ANKS1A: variants seen among roughly 807,000 people sequenced by gnomAD.
The protein encoded by ANKS1A is ankyrin repeat and sterile alpha motif domain containing 1A.
A neutral mutation model predicts 120.3 loss-of-function variants in ANKS1A; 55 were observed. The ratio of observed to expected loss-of-function variants is 0.46; its 90% CI spans 0.37 to 0.57. The LOEUF (loss-of-function observed/expected upper bound fraction) is 0.57, where lower values mean the gene tolerates loss of function less well. Among genes scored for constraint, ANKS1A ranks in the 20% least tolerant of loss-of-function variants. ANKS1A has a pLI of 0.00. For synonymous variants in ANKS1A, 590 were observed against 604.7 expected, an observed-to-expected ratio of 0.98 and a Z score of 0.36; for missense variants, 1,123 against 1,480.3, an observed-to-expected ratio of 0.76 and a Z score of 3.96.
Position 35,084,075 on chromosome 6 carries a change from G to C in ANKS1A, c.2995-46G>C. On this transcript the variant is annotated intron_variant, in intron 20 of 23. Transcript: ENST00000360359. The surrounding 1 kb of genome is among the most constrained non-coding windows in gnomAD (Gnocchi z 4.8). Reference sequence around the variant, plus strand: ...ACAGGCTGGGGCAGGGGGTGCCAGAGGCATGCCTGAGCCTGAGAATTCCAG... The same window carrying C: ...ACAGGCTGGGGCAGGGGGTGCCAGACGCATGCCTGAGCCTGAGAATTCCAG... The C allele has an allele frequency of 6.2e-7, 1 of 1,609,654 alleles. No homozygotes were observed. The highest frequency in any genetic ancestry group is 8.5e-7 in the Non-Finnish European group (1 of 1,177,340).
chr6:35,065,714 A>G (rs843937), intron 13 of ANKS1A, among the ~76,000 whole-genome samples: 145,459 of 152,318 alleles, frequency 0.95, 69,612 homozygotes, highest in Non-Finnish European at 0.99. Context: ...ACTGGGGCCC[A>G]TCAGGCTGGG....
intron 1 of ANKS1A, among the ~76,000 whole-genome samples, chr6:34,950,430 T>C (rs1770026459): frequency 6.6e-6 from 1 of 152,012 alleles, no homozygotes; most frequent in South Asian, 2.1e-4. Context: ...GGTTTCACCA[T>C]GTTGGCCGGG....
rs115702844 is a variant in ANKS1A at position 35,013,865 on chromosome 6, G to T, written c.1424-3608G>T. ...TCCTTGTGACAGACCTGTGAGGAAC[G>T]GAGAAGTAGTTGGTCTCATCTGTGA... On this transcript the variant is annotated intron_variant, in intron 10 of 23. Coordinates refer to ENST00000360359, the MANE Select transcript of ANKS1A (RefSeq NM_015245.3). 6.6e-3 allele frequency among the ~76,000 whole-genome samples: 1,009 copies of T among 152,302 alleles called. 10 individuals carry two copies. Among genetic ancestry groups the T allele is most frequent in the African/African-American group, 0.023 (955 of 41,566 alleles).
At chr6:34,950,702 G>C (rs1770052666) in intron 1 of ANKS1A, among the ~76,000 whole-genome samples, 1 of 151,908 alleles carries the variant, frequency 6.6e-6, no homozygotes, top group South Asian at 2.1e-4. Context: ...AAACTGACCT[G>C]ACAGGATTCT....
intron 1 of ANKS1A, among the ~76,000 whole-genome samples, chr6:34,963,621 G>T (rs528002352): frequency 6.6e-6 from 1 of 152,136 alleles, no homozygotes; most frequent in Non-Finnish European, 1.5e-5. Flanking sequence ...ATTTTATTCC[G>T]TTTGGATATA....
intron 3 of ANKS1A, among the ~76,000 whole-genome samples, chr6:34,976,687 A>G (rs545178471): frequency 4.5e-4 from 69 of 152,142 alleles, no homozygotes; most frequent in African/African-American, 1.6e-3. Flanking sequence ...TTAAAGTTTT[A>G]AGAATAATGC....
chr6:34,982,833 A>G lies in ANKS1A; in HGVS notation c.808+6A>G. On this transcript the variant is annotated splice_donor_region_variant and intron_variant, in intron 5 of 23. Coordinates refer to ENST00000360359, the MANE Select transcript of ANKS1A (RefSeq NM_015245.3). This position sits in a 1 kb window ranked among gnomAD's most constrained non-coding sequence, Gnocchi z 4.9. ...GCAAATCCTGCTGGCTGCAGGTGAG[A>G]GGTCGGCAGCGCTCTTGTCTACACA... 8.7e-6 allele frequency: 14 copies of G among 1,614,152 alleles called. No homozygotes were observed. The highest frequency in any genetic ancestry group is 2.7e-5 in the African/African-American group (2 of 75,054).
At chr6:35,052,036 C>A (rs1042371528) in intron 11 of ANKS1A, among the ~76,000 whole-genome samples, 1 of 152,078 alleles carries the variant, frequency 6.6e-6, no homozygotes, top group Non-Finnish European at 1.5e-5. Flanking sequence ...GGAAGCTTGC[C>A]AGGTATGGTG....
At chr6:35,071,113 G>A in intron 13 of ANKS1A, 1 of 312,980 alleles carries the variant, frequency 3.2e-6, no homozygotes, top group South Asian at 3.6e-5. Flanking sequence ...TTGCCAATCA[G>A]AAAATCTTTG....
intron 1 of ANKS1A, among the ~76,000 whole-genome samples, chr6:34,917,341 C>T (rs1258550974): frequency 6.6e-6 from 1 of 152,186 alleles, no homozygotes; most frequent in East Asian, 1.9e-4. Flanking sequence ...TGTGGAGAGG[C>T]AGCGTTGACT....
intron 1 of ANKS1A, among the ~76,000 whole-genome samples, chr6:34,918,882 C>T (rs540748203): frequency 2.6e-5 from 4 of 152,196 alleles, no homozygotes; most frequent in East Asian, 3.9e-4. Context: ...GACAGGGTCT[C>T]GCTCTGTCAC....
At chr6:34,935,313 C>G (rs548225405) in intron 1 of ANKS1A, among the ~76,000 whole-genome samples, 1 of 152,276 alleles carries the variant, frequency 6.6e-6, no homozygotes, top group South Asian at 2.1e-4. Context: ...TCTCAAACTC[C>G]TGGGCTCAAG....
In ANKS1A at chr6:35,084,310, GCGTCCAGCC is replaced by G. The variant is rs1054654847; in HGVS notation, c.3132+54_3132+62del. ...GGCAGGCTTGGGTTGCAGCCCTGAG[GCGTCCAGCC>G]CCATTGCAGGGCACAGATGCGGCGC... is the stretch of plus-strand genomic sequence containing the variant. On this transcript the variant is annotated intron_variant, in intron 21 of 23. Coordinates refer to ENST00000360359, the MANE Select transcript of ANKS1A (RefSeq NM_015245.3). The surrounding 1 kb of genome is among the most constrained non-coding windows in gnomAD (Gnocchi z 4.8). 1 of 1,603,406 alleles carries G rather than the reference GCGTCCAGCC, an allele frequency of 6.2e-7. No individual in the cohort carries two copies. Among genetic ancestry groups the G allele is most frequent in the Non-Finnish European group, 8.5e-7 (1 of 1,175,974 alleles).
intron 13 of ANKS1A, among the ~76,000 whole-genome samples, chr6:35,074,436 C>CAA (rs879350993): frequency 7.5e-5 from 10 of 133,520 alleles, no homozygotes; most frequent in South Asian, 4.8e-4. Flanking sequence ...CCCATCTCTA[C>CAA]AAAAAAAAAA....
At chr6:34,914,712 T>C (rs1768074381) in intron 1 of ANKS1A, among the ~76,000 whole-genome samples, 1 of 152,218 alleles carries the variant, frequency 6.6e-6, no homozygotes, top group Admixed American at 6.5e-5. Flanking sequence ...TCCTGTGTTA[T>C]TGATTCTTCA....
chr6:34,981,360 T>A (rs1439349191), intron 3 of ANKS1A, among the ~76,000 whole-genome samples: 4 of 152,206 alleles, frequency 2.6e-5, no homozygotes, highest in Non-Finnish European at 2.9e-5. Context: ...TTATTGGTAT[T>A]CATCTTGCCA....
At chr6:35,051,535 T>G (rs1301310431) in intron 11 of ANKS1A, among the ~76,000 whole-genome samples, 1 of 152,232 alleles carries the variant, frequency 6.6e-6, no homozygotes, top group Non-Finnish European at 1.5e-5. Flanking sequence ...AGAACAGCTT[T>G]TCCAGTGCAG....
Position 35,086,340 on chromosome 6 carries a change from C to T in ANKS1A, c.3303+404C>T, listed in dbSNP as rs200912957. The T allele has an allele frequency of 1.2e-5, 16 of 1,299,562 alleles. No homozygotes were observed. The highest frequency in any genetic ancestry group is 4.5e-5 in the African/African-American group (3 of 66,250). The allele number at this position is 1,299,562 out of a possible 1,614,324, so 80.5% of individuals were successfully genotyped here. Reference sequence around the variant, plus strand: ...ACCACCCACCGTCCTTCCTACCTACCGCTGCCATCTGTTAGTCCTGGAGTC... The same window carrying T: ...ACCACCCACCGTCCTTCCTACCTACTGCTGCCATCTGTTAGTCCTGGAGTC... On this transcript the variant is annotated intron_variant, in intron 22 of 23. Coordinates refer to ENST00000360359, the MANE Select transcript of ANKS1A (RefSeq NM_015245.3). This position sits in a 1 kb window ranked among gnomAD's most constrained non-coding sequence, Gnocchi z 5.1.
intron 1 of ANKS1A, among the ~76,000 whole-genome samples, chr6:34,912,953 C>T (rs1767975924): frequency 6.6e-6 from 1 of 152,076 alleles, no homozygotes. Flanking sequence ...CCATTTGGTT[C>T]CTTAAGGTTG....
Sources: gnomAD v4.1 joint callset for allele counts (sites outside exome capture counted in the v4.1 genomes callset) on GRCh38, gnomAD v4.1.1 for gene constraint, Gnocchi (gnomAD v3.1) non-coding constraint, MANE v1.5 for transcripts, NCBI Gene and HGNC (gene_info 2026-07-23, HGNC 2026-07-21) for gene names.